Variants in SAMD13 observed in about 807,000 individuals in gnomAD.
The protein encoded by SAMD13 is sterile alpha motif domain containing 13.
Under a neutral mutation model 12.4 loss-of-function variants are expected in SAMD13, and 9 were observed. The observed-to-expected ratio is 0.72, with a 90% CI of 0.44 to 1.26. The LOEUF (loss-of-function observed/expected upper bound fraction) is 1.26. Among genes scored for constraint, SAMD13 ranks in the 50% most tolerant of loss-of-function variants. The pLI, the probability that SAMD13 is intolerant of heterozygous loss-of-function variation, is 0.00. For synonymous variants in SAMD13, 46 were observed against 45.4 expected (o/e 1.01, Z -0.05); for missense variants, 84 against 119.6 (o/e 0.70, Z 1.39).
In SAMD13 at chr1:84,307,895, A is replaced by T. The variant is rs113745886; in HGVS notation, c.53+4608A>T. On this transcript the variant is annotated intron_variant, in intron 2 of 3. Coordinates refer to ENST00000394834, the MANE Select transcript of SAMD13 (RefSeq NM_001134663.2). The stretch of plus-strand genomic sequence containing the variant: ...CATCCCTGCATCGTCTCCAAGACTC[A>T]TTCCCTCTAAACCTTCAAGGTTTGT... Among the ~76,000 whole-genome samples, 748 of 152,258 alleles carry T rather than the reference A, an allele frequency of 4.9e-3. 3 individuals are homozygous for T. Among genetic ancestry groups the T allele is most frequent in the Non-Finnish European group, 8.5e-3 (576 of 68,022 alleles).
intron 3 of SAMD13, among the ~76,000 whole-genome samples, chr1:84,328,814 C>T (rs531428928): frequency 1.2e-4 from 18 of 152,222 alleles, no homozygotes; most frequent in South Asian, 2.1e-4. Context: ...AAGGTCACAG[C>T]GCTGAGAAAC....
At chr1:84,321,459 A>C (rs555203887) in intron 2 of SAMD13, among the ~76,000 whole-genome samples, 2 of 152,284 alleles carry the variant, frequency 1.3e-5, no homozygotes, top group East Asian at 3.9e-4. Flanking sequence ...CTATGACGTT[A>C]GTGAATAATA....
At chr1:84,298,768 C>A (rs560959809), upstream of SAMD13, among the ~76,000 whole-genome samples, 1 of 152,212 alleles carries the variant, frequency 6.6e-6, no homozygotes, top group South Asian at 2.1e-4. Flanking sequence ...GGGGCAGAAG[C>A]GTGCCCTGCC....
chr1:84,341,963 G>C (rs1679436695), intron 3 of SAMD13, among the ~76,000 whole-genome samples: 1 of 152,124 alleles, frequency 6.6e-6, no homozygotes, highest in South Asian at 2.1e-4. Context: ...TAGCTGGTGG[G>C]GATTTTCTGC....
At chr1:84,311,750 A>T (rs758554018) in intron 2 of SAMD13, among the ~76,000 whole-genome samples, 2 of 152,262 alleles carry the variant, frequency 1.3e-5, no homozygotes, top group African/African-American at 2.4e-5. Flanking sequence ...CTGAAGCACC[A>T]TCCATCTGGA....
intron 3 of SAMD13, among the ~76,000 whole-genome samples, chr1:84,340,115 A>C (rs528244941): frequency 1.3e-5 from 2 of 152,340 alleles, no homozygotes; most frequent in African/African-American, 4.8e-5. Context: ...AATTAAACAG[A>C]TACTTGTACT....
chr1:84,344,163 G>A (rs1679483995), intron 3 of SAMD13, among the ~76,000 whole-genome samples: 1 of 151,372 alleles, frequency 6.6e-6, no homozygotes, highest in African/African-American at 2.4e-5. Context: ...TACTCATGAA[G>A]TCACTGAAAG....
intron 3 of SAMD13, among the ~76,000 whole-genome samples, chr1:84,328,049 A>C (rs1472718898): frequency 6.6e-6 from 1 of 152,212 alleles, no homozygotes; most frequent in Non-Finnish European, 1.5e-5. Flanking sequence ...CTTAGCTAAA[A>C]GGTCTCTTGG....
At chr1:84,343,108 C>A (rs1679464245) in intron 3 of SAMD13, among the ~76,000 whole-genome samples, 1 of 152,136 alleles carries the variant, frequency 6.6e-6, no homozygotes, top group Admixed American at 6.5e-5. Flanking sequence ...GAAAAAAACT[C>A]AACATCACAG....
At chr1:84,328,040 T>C (rs1343116710) in intron 3 of SAMD13, among the ~76,000 whole-genome samples, 1 of 152,206 alleles carries the variant, frequency 6.6e-6, no homozygotes, top group African/African-American at 2.4e-5. Context: ...AAAAAAATAC[T>C]TAGCTAAAAG....
At chr1:84,341,495 T>C (rs2101818265) in intron 3 of SAMD13, among the ~76,000 whole-genome samples, 1 of 152,218 alleles carries the variant, frequency 6.6e-6, no homozygotes, top group South Asian at 2.1e-4. Flanking sequence ...TTGATTTTTT[T>C]CCCCAGCTGC....
chr1:84,304,416 G>A (rs1678516000), intron 2 of SAMD13: 1 of 152,142 alleles, frequency 6.6e-6, no homozygotes. Context: ...CTAGCCACAT[G>A]TGGCTACGAA....
At position 84,330,103 on chromosome 1, in the gene SAMD13, G is replaced by T. The variant is rs147700194; in HGVS notation, c.165+4355G>T. ...GACAAACATTTTAGGCTGTGGTGAA[G>T]GGAATGAGTGAAAGTCATGACTTCT... On this transcript the variant is annotated intron_variant, in intron 3 of 3. Coordinates refer to ENST00000394834, the MANE Select transcript of SAMD13 (RefSeq NM_001134663.2). Among the ~76,000 whole-genome samples the T allele has an allele frequency of 1.9e-3, 289 of 152,298 alleles. 4 individuals are homozygous for T. Among genetic ancestry groups the T allele is most frequent in the African/African-American group, 6.5e-3 (271 of 41,568 alleles).
chr1:84,333,800 A>G (rs1279933034), intron 3 of SAMD13, among the ~76,000 whole-genome samples: 2 of 152,122 alleles, frequency 1.3e-5, no homozygotes, highest in African/African-American at 4.8e-5. Context: ...CTCTGCATCT[A>G]TTGAGATGAC....
chr1:84,301,384 T>A (rs753998472), upstream of SAMD13, among the ~76,000 whole-genome samples: 5 of 152,222 alleles, frequency 3.3e-5, no homozygotes, highest in Non-Finnish European at 5.9e-5. Flanking sequence ...AACATGACAT[T>A]CATGCTCAGA....
intron 3 of SAMD13, among the ~76,000 whole-genome samples, chr1:84,338,886 G>T (rs970524330): frequency 4.6e-5 from 7 of 152,172 alleles, no homozygotes; most frequent in African/African-American, 1.7e-4. Context: ...ATCTGGGTGG[G>T]ATCACAGCCA....
chr1:84,349,552 C>T (rs570054664), intron 3 of SAMD13, 79 bp from the exon 4 acceptor site: 3 of 1,537,300 alleles, frequency 2.0e-6, no homozygotes, highest in Non-Finnish European at 2.6e-6. Flanking sequence ...GTGACTTTTA[C>T]CTCTGAACTT....
intron 2 of SAMD13, among the ~76,000 whole-genome samples, chr1:84,325,146 A>G (rs998061250): frequency 8.5e-5 from 13 of 152,262 alleles, no homozygotes; most frequent in African/African-American, 2.9e-4. Flanking sequence ...TGCTTCAAAG[A>G]GGAGGTAGTT....
intron 2 of SAMD13, among the ~76,000 whole-genome samples, chr1:84,307,900 C>T (rs887355991): frequency 2.6e-5 from 4 of 152,150 alleles, no homozygotes; most frequent in South Asian, 2.1e-4. Flanking sequence ...GACTCATTCC[C>T]TCTAAACCTT....
Sources: allele counts gnomAD v4.1 joint callset (sites outside exome capture counted in the v4.1 genomes callset), GRCh38; gene constraint gnomAD v4.1.1; transcripts MANE v1.5; gene names NCBI Gene and HGNC (gene_info 2026-07-23, HGNC 2026-07-21).